The following THSD1 variants were observed in gnomAD, a reference collection of about 807,000 sequenced individuals.
The protein encoded by THSD1 is thrombospondin type 1 domain containing 1.
Under a neutral mutation model 46.3 loss-of-function variants are expected in THSD1, and 34 were observed. The observed-to-expected ratio is 0.74, with a 90% CI of 0.56 to 0.98. The LOEUF is 0.98. THSD1 is among the 50% of genes least tolerant of loss of function. THSD1 has a pLI of 0.00. For missense variants in THSD1, 1,023 were observed against 1,058.3 expected, an observed-to-expected ratio of 0.97 and a Z score of 0.46; for synonymous variants, 407 against 416.5, an observed-to-expected ratio of 0.98 and a Z score of 0.28.
At position 52,378,389 on chromosome 13, in the gene THSD1, CA is replaced by C. The variant is rs1342369425; in HGVS notation, c.1580del (p.Leu527ArgfsTer11). The C allele has an allele frequency of 1.2e-6, 2 of 1,613,902 alleles. No individual in the cohort carries two copies. The highest frequency in any genetic ancestry group is 4.5e-5 in the East Asian group (2 of 44,882). On this transcript the variant is annotated frameshift_variant, in exon 5 of 5. Transcript: ENST00000258613. LOFTEE classifies it low-confidence loss of function (END_TRUNC). ...GCTGCTGGGCAAGGCGGTAGCTGAA[CA>C]GAGGTGGGATTATCTTCTGGGCGTT... is the stretch of plus-strand genomic sequence containing the variant. Reference protein sequence around the residue: ...QSNAQKIIPPLFSYRLAQQQL... With the variant: ...QSNAQKIIPPXFSYRLAQQQL...
intron 3 of THSD1, among the ~76,000 whole-genome samples, chr13:52,396,193 T>C (rs1486284975): frequency 6.6e-6 from 1 of 151,886 alleles, no homozygotes; most frequent in African/African-American, 2.4e-5. Flanking sequence ...AAAGTCAGGC[T>C]TGTGTAGTCA....
chr13:52,401,849 G>T (rs983772527), intron 2 of THSD1, among the ~76,000 whole-genome samples: 1 of 152,164 alleles, frequency 6.6e-6, no homozygotes, highest in Non-Finnish European at 1.5e-5. Flanking sequence ...CAACTGCTTA[G>T]ATGTCTATGA....
chr13:52,397,547 G>C lies in THSD1; in HGVS notation c.706C>G (p.Leu236Val). The change falls in exon 3 of 5, where the codon CTG becomes GTG. Residue 236 changes from leucine to valine, a missense_variant. By Grantham distance (32) the Leu-to-Val change is conservative. This residue lies in a region of THSD1 where 429 missense variants were observed against 518.3 expected (regional missense o/e 0.83). Transcript: ENST00000258613. The stretch of plus-strand genomic sequence containing the variant: ...AGTTTGTATCCAAATTTCTGGGCCA[G>C]GTCAATGGGTCCTGTGGAGGTAATG... ...SVITSTGPID[L>V]AQKFGYKLVM... is the part of the protein sequence containing the mutation. 2.5e-6 allele frequency: 4 copies of C among 1,614,176 alleles called. No individual in the cohort carries two copies. Among genetic ancestry groups the C allele is most frequent in the Non-Finnish European group, 3.4e-6 (4 of 1,180,038 alleles).
In THSD1 at chr13:52,377,191, AT is replaced by A. The variant is rs1374796527; in HGVS notation, c.*219del. On this transcript the variant is annotated 3_prime_UTR_variant, in exon 5 of 5. Transcript: ENST00000258613. The stretch of plus-strand genomic sequence containing the variant: ...ATTTGCTCATTTACATTTTATTATC[AT>A]TGTTATTACTAATAAATCAATAGAA... 7.8e-7 allele frequency: 1 copy of A among 1,279,662 alleles called. No individual in the cohort carries two copies. Among genetic ancestry groups the A allele is most frequent in the Admixed American group, 3.7e-5 (1 of 27,058 alleles). 79.3% of individuals were successfully genotyped at this position (1,279,662 alleles called of 1,614,324 possible).
chr13:52,383,363 GAT>G (rs1808841578), intron 4 of THSD1, among the ~76,000 whole-genome samples: 1 of 152,184 alleles, frequency 6.6e-6, no homozygotes, highest in South Asian at 2.1e-4. Context: ...TGTTGAATAA[GAT>G]AGACCATATA....
rs377555312 is a variant in THSD1, at chr13:52,378,648, C to T, written c.1322G>A (p.Arg441Gln). ...VLITLWRRFG[R>Q]PAKCSTPARH... ...AGCAGGTGTGCTGCACTTGGCTGGC[C>T]GGCCGAACCTCCTCCACAGCGTGAT... Residue 441 changes from arginine to glutamine, a missense_variant, in exon 5 of 5, where the codon CGG becomes CAG. Physicochemically the swap from Arg to Gln is conservative, Grantham distance 43 (BLOSUM62 1). This residue lies in a region of THSD1 where 578 missense variants were observed against 497.4 expected (regional missense o/e 1.16). Coordinates refer to ENST00000258613, the MANE Select transcript of THSD1 (RefSeq NM_018676.4). The T allele has an allele frequency of 1.2e-6, 2 of 1,614,002 alleles. No individual in the cohort carries two copies. Among genetic ancestry groups the T allele is most frequent in the African/African-American group, 1.3e-5 (1 of 74,996 alleles).
chr13:52,378,398 G>T lies in THSD1; in HGVS notation c.1572C>A (p.Ile524=). The T allele has an allele frequency of 6.2e-7, 1 of 1,614,080 alleles. No individual in the cohort carries two copies. The highest frequency in any genetic ancestry group is 8.5e-7 in the Non-Finnish European group (1 of 1,180,022). ...CAAGGCGGTAGCTGAACAGAGGTGG[G>T]ATTATCTTCTGGGCGTTGGACTGGA... ...ESFQSNAQKI[I]PPLFSYRLAQ... Residue 524 remains isoleucine, a synonymous_variant, in exon 5 of 5, where the codon ATC becomes ATA. Coordinates refer to ENST00000258613, the MANE Select transcript of THSD1 (RefSeq NM_018676.4).
chr13:52,377,401 G>A lies in THSD1; in HGVS notation c.*10C>T. The stretch of plus-strand genomic sequence containing the variant: ...ACCCCAGCTGTGTAAAGCTCAGGCT[G>A]ATTCTCAGTCTAGATCACCAGCTTC... On this transcript the variant is annotated 3_prime_UTR_variant, in exon 5 of 5. Transcript: ENST00000258613. 6.5e-7 allele frequency: 1 copy of A among 1,539,560 alleles called. No individual in the cohort carries two copies. Among genetic ancestry groups the A allele is most frequent in the Non-Finnish European group, 8.8e-7 (1 of 1,138,804 alleles).
chr13:52,403,815 T>C lies in THSD1; in HGVS notation c.-81-1134A>G, dbSNP rs150295781. Among the ~76,000 whole-genome samples, 29 of 151,874 alleles carry C rather than the reference T, an allele frequency of 1.9e-4. No homozygotes were observed. The East Asian group carries it at 5.7e-3, about 30-fold the overall frequency. On this transcript the variant is annotated intron_variant, in intron 1 of 4. Transcript: ENST00000258613. ...TATTTTTATATAGACTATTCAACTATAGAATAAGATACTGGGCATTTAAGA... is the reference window on the plus strand; with the variant it reads ...TATTTTTATATAGACTATTCAACTACAGAATAAGATACTGGGCATTTAAGA...
At chr13:52,388,789 T>C (rs916858449) in intron 3 of THSD1, among the ~76,000 whole-genome samples, 13 of 151,748 alleles carry the variant, frequency 8.6e-5, no homozygotes, top group Non-Finnish European at 2.9e-5. Flanking sequence ...CCGTATTAAG[T>C]GTTTAATAGC....
At position 52,397,701 on chromosome 13, in the gene THSD1, C is replaced by T; in HGVS notation, c.552G>A (p.Gln184=). The change falls in exon 3 of 5, where the codon CAG becomes CAA. Residue 184 remains glutamine (Q), a synonymous_variant. Coordinates refer to ENST00000258613, the MANE Select transcript of THSD1 (RefSeq NM_018676.4). The stretch of plus-strand genomic sequence containing the variant: ...TTTTGCTGGTTCTTATTTCCAGCGG[C>T]TGTCTTGAATTTCTTCTTGCCTCAG... ...SLPEARRNSR[Q]PLEIRTSKRT... 6.2e-7 allele frequency: 1 copy of T among 1,614,228 alleles called. No individual in the cohort carries two copies. The highest frequency in any genetic ancestry group is 8.5e-7 in the Non-Finnish European group (1 of 1,180,056).
chr13:52,404,865 C>T (rs1285233590), intron 1 of THSD1, among the ~76,000 whole-genome samples: 5 of 152,036 alleles, frequency 3.3e-5, no homozygotes, highest in East Asian at 1.9e-4. Context: ...TGAAAATGAT[C>T]GGTAAAACAT....
At chr13:52,385,021 T>A (rs1411446865) in intron 4 of THSD1, among the ~76,000 whole-genome samples, 1 of 152,054 alleles carries the variant, frequency 6.6e-6, no homozygotes, top group Non-Finnish European at 1.5e-5. Flanking sequence ...GGAAAAATGA[T>A]ATAGCAAAAA....
intron 3 of THSD1, among the ~76,000 whole-genome samples, chr13:52,390,964 A>G (rs929049270): frequency 2.0e-5 from 3 of 152,118 alleles, no homozygotes; most frequent in Non-Finnish European, 4.4e-5. Context: ...AATTATATGT[A>G]TATATAAATA....
At chr13:52,393,407 A>T (rs751066995) in intron 3 of THSD1, among the ~76,000 whole-genome samples, 8 of 152,236 alleles carry the variant, frequency 5.3e-5, no homozygotes, top group Non-Finnish European at 1.0e-4. Context: ...TTATCCTAAG[A>T]TCCTCAGACA....
intron 1 of THSD1, among the ~76,000 whole-genome samples, chr13:52,405,636 G>T (rs1232102325): frequency 6.6e-6 from 1 of 152,186 alleles, no homozygotes; most frequent in Non-Finnish European, 1.5e-5. Context: ...CGCGTCGTCA[G>T]CTTAAAGCCC....
chr13:52,398,360 T>C (rs970609389), intron 2 of THSD1, 166 bp from the exon 3 acceptor site: 2 of 745,934 alleles, frequency 2.7e-6, no homozygotes, highest in Non-Finnish European at 3.3e-6. Context: ...ACCCCTAACA[T>C]CTTGGGCTCA....
chr13:52,384,439 T>C (rs1352770086), intron 4 of THSD1: 1 of 455,702 alleles, frequency 2.2e-6, no homozygotes, highest in African/African-American at 2.0e-5. Context: ...AATGTGGAAA[T>C]AAGAATATGC....
At chr13:52,382,305 C>T (rs1453177078) in intron 4 of THSD1, among the ~76,000 whole-genome samples, 1 of 152,214 alleles carries the variant, frequency 6.6e-6, no homozygotes, top group Non-Finnish European at 1.5e-5. Context: ...CCCTCTCCAT[C>T]ACTTGCCACA....
Sources: allele counts gnomAD v4.1 joint callset (sites outside exome capture counted in the v4.1 genomes callset), GRCh38; gene constraint gnomAD v4.1.1; regional missense constraint gnomAD v4.1.1; transcripts MANE v1.5; gene names NCBI Gene and HGNC (gene_info 2026-07-23, HGNC 2026-07-21).